Variants in NHS observed in about 807,000 individuals in gnomAD.
NHS encodes actin remodeling regulator NHS.
Under a neutral mutation model 72.5 loss-of-function variants are expected in NHS, and 5 were observed. The observed-to-expected ratio is 0.07, with a 90% CI of 0.04 to 0.14. The LOEUF (loss-of-function observed/expected upper bound fraction) is 0.14. NHS is among the 10% of genes least tolerant of loss of function. NHS has a pLI of 1.00. For synonymous variants in NHS, 464 were observed against 547.7 expected, an observed-to-expected ratio of 0.85 and a Z score of 2.13; for missense variants, 1,072 against 1,355.7, an observed-to-expected ratio of 0.79 and a Z score of 3.29.
At chrX:17,543,792 C>T (rs2065276528) in intron 1 of NHS, among the ~76,000 whole-genome samples, 1 of 111,830 alleles carries the variant, frequency 8.9e-6, no homozygotes, top group South Asian at 3.7e-4. Flanking sequence ...CGGGATTTTG[C>T]TCCCTTTTCC....
chrX:17,518,033 GA>G (rs919761518), intron 1 of NHS, among the ~76,000 whole-genome samples: 1 of 111,787 alleles, frequency 8.9e-6, no homozygotes, highest in African/African-American at 3.3e-5. Flanking sequence ...TACAACAGCA[GA>G]TGTTTTTTTC....
intron 3 of NHS, among the ~76,000 whole-genome samples, chrX:17,709,687 ATTGGAGCAGC>A (rs1393068568): frequency 9.0e-6 from 1 of 111,624 alleles, no homozygotes; most frequent in Non-Finnish European, 1.9e-5. Context: ...GGTTGGAGTT[ATTGGAGCAGC>A]CTGCGGTACT....
chrX:17,420,460 A>G (rs1403129543), intron 1 of NHS, among the ~76,000 whole-genome samples: 4 of 110,957 alleles, frequency 3.6e-5, no homozygotes, highest in Non-Finnish European at 7.6e-5. Flanking sequence ...TGAACTATCC[A>G]TGTACCCATC....
At chrX:17,440,401 A>C (rs2064746396) in intron 1 of NHS, among the ~76,000 whole-genome samples, 1 of 111,291 alleles carries the variant, frequency 9.0e-6, no homozygotes, top group Admixed American at 9.5e-5. Flanking sequence ...CACTGGGTTG[A>C]AGGCCATGTA....
chrX:17,669,009 C>G (rs1369492311), intron 1 of NHS, among the ~76,000 whole-genome samples: 1 of 112,010 alleles, frequency 8.9e-6, no homozygotes, highest in Non-Finnish European at 1.9e-5. Flanking sequence ...TGAGAAGCAG[C>G]CTTCTGACTG....
chrX:17,566,045 C>T (rs1427425967), intron 1 of NHS, among the ~76,000 whole-genome samples: 1 of 106,303 alleles, frequency 9.4e-6, no homozygotes, highest in East Asian at 3.0e-4. Flanking sequence ...GTGGTGTGAT[C>T]ACGGCTCACT....
intron 1 of NHS, among the ~76,000 whole-genome samples, chrX:17,601,646 G>C (rs761745473): frequency 7.2e-5 from 8 of 111,841 alleles, no homozygotes; most frequent in Non-Finnish European, 1.5e-4. Flanking sequence ...AGGAAATCTT[G>C]TGTGGAAATT....
chrX:17,620,716 G>A (rs953306813), intron 1 of NHS, among the ~76,000 whole-genome samples: 1 of 111,837 alleles, frequency 8.9e-6, no homozygotes. Context: ...AAGCCTGAAT[G>A]ACCAAAAGTA....
chrX:17,641,157 TAAG>T (rs1005364331), intron 1 of NHS, among the ~76,000 whole-genome samples: 2 of 111,809 alleles, frequency 1.8e-5, no homozygotes, highest in Admixed American at 9.5e-5. Flanking sequence ...ACATCATGGG[TAAG>T]AAGAGGAGAT....
intron 1 of NHS, among the ~76,000 whole-genome samples, chrX:17,499,229 G>A (rs2065026743): frequency 9.0e-6 from 1 of 110,858 alleles, no homozygotes; most frequent in Admixed American, 9.5e-5. Context: ...ATCTCCTGGA[G>A]AGTTGGCACT....
At chrX:17,670,159 T>C (rs748996957) in intron 1 of NHS, among the ~76,000 whole-genome samples, 2 of 112,557 alleles carry the variant, frequency 1.8e-5, no homozygotes, top group Non-Finnish European at 3.8e-5. Flanking sequence ...TGGGCATCTC[T>C]GTGTGCCACT....
chrX:17,692,382 C>A lies in NHS; in HGVS notation c.766C>A (p.Leu256Ile). 2 of 1,210,985 alleles carry A rather than the reference C, an allele frequency of 1.7e-6. No individual in the cohort carries two copies. Among genetic ancestry groups the A allele is most frequent in the African/African-American group, 3.5e-5 (2 of 57,609 alleles). ...CCGAGAGCAAAGAGCAGCTGCCCCCCTTTCCATTGCAGCTCCTCCACTGCC... is the reference window on the plus strand; with the variant it reads ...CCGAGAGCAAAGAGCAGCTGCCCCCATTTCCATTGCAGCTCCTCCACTGCC... Reference protein sequence around the residue: ...DRREQRAAAPLSIAAPPLPAY... With the variant: ...DRREQRAAAPISIAAPPLPAY... Residue 256 changes from leucine to isoleucine, a missense_variant, in exon 3 of 9, where the codon CTT becomes ATT. By Grantham distance (5) the Leu-to-Ile change is conservative. Coordinates refer to ENST00000676302, the MANE Select transcript of NHS (RefSeq NM_001291867.2).
In NHS at chrX:17,518,346, A is replaced by G. The variant is rs141116431; in HGVS notation, c.565+142024A>G. Among the ~76,000 whole-genome samples the G allele has an allele frequency of 1.6e-3, 175 of 112,089 alleles. 1 individual carries two copies. In the East Asian group the frequency reaches 0.03, roughly 19 times the overall value. On this transcript the variant is annotated intron_variant, in intron 1 of 8. Transcript: ENST00000676302. Reference sequence around the variant, plus strand: ...CAAGGATAAGGATGAAAACAGTAATACAATCTACTACGGTAGCAAAAGATG... The same window carrying G: ...CAAGGATAAGGATGAAAACAGTAATGCAATCTACTACGGTAGCAAAAGATG...
chrX:17,457,474 G>A (rs1403575659), intron 1 of NHS, among the ~76,000 whole-genome samples: 2 of 110,946 alleles, frequency 1.8e-5, no homozygotes, highest in African/African-American at 6.6e-5. Context: ...GTTCCTATGG[G>A]AACTAATAGA....
chrX:17,724,327 A>G lies in NHS; in HGVS notation c.1137A>G (p.Ile379Met). 8.3e-7 allele frequency: 1 copy of G among 1,211,816 alleles called. No homozygotes were observed. The highest frequency in any genetic ancestry group is 1.1e-6 in the Non-Finnish European group (1 of 895,494). Residue 379 changes from isoleucine (I) to methionine (M), a missense_variant, in exon 6 of 9, where the codon ATA (isoleucine) becomes ATG (methionine). Coordinates refer to ENST00000676302, the MANE Select transcript of NHS (RefSeq NM_001291867.2). The part of the protein sequence containing the change: ...TGVGFDREAS[I>M]RCSLVHSQSV... ...TTGGCTTTGACAGAGAGGCTAGTATACGCTGCTCTCTGGTTCATTCACAAT... is the reference window on the plus strand; with the variant it reads ...TTGGCTTTGACAGAGAGGCTAGTATGCGCTGCTCTCTGGTTCATTCACAAT...
chrX:17,449,937 C>A (rs1052887751), intron 1 of NHS, among the ~76,000 whole-genome samples: 1 of 111,923 alleles, frequency 8.9e-6, no homozygotes, highest in South Asian at 3.8e-4. Flanking sequence ...GTTGCTGCTG[C>A]CACCTCTCCC....
At chrX:17,410,045 GA>G (rs1162437888) in intron 1 of NHS, among the ~76,000 whole-genome samples, 1 of 111,485 alleles carries the variant, frequency 9.0e-6, no homozygotes, top group African/African-American at 3.3e-5. Flanking sequence ...TTCAGAGAAT[GA>G]AACCCTTTTT....
intron 1 of NHS, among the ~76,000 whole-genome samples, chrX:17,523,567 C>G (rs1272924047): frequency 2.7e-5 from 3 of 111,898 alleles, no homozygotes; most frequent in African/African-American, 9.7e-5. Flanking sequence ...AGAGGCAGAG[C>G]CAGTAGTGGG....
rs2064735479 is a variant in NHS at position 17,438,515 on chromosome X, C to T, written c.565+62193C>T. The stretch of plus-strand genomic sequence containing the variant: ...AGACCTTGCTGTTCCCAGAGTGGTT[C>T]TCGGCCCAGCATTATTGGGCCACCA... On this transcript the variant is annotated intron_variant, in intron 1 of 8. Transcript: ENST00000676302. Among the ~76,000 whole-genome samples the T allele has an allele frequency of 2.7e-5, 3 of 111,489 alleles. No homozygotes were observed. In the South Asian group the frequency reaches 1.2e-3, roughly 43 times the overall value.
Sources: allele counts gnomAD v4.1 joint callset (sites outside exome capture counted in the v4.1 genomes callset), GRCh38; gene constraint gnomAD v4.1.1; transcripts MANE v1.5; gene names NCBI Gene and HGNC (gene_info 2026-07-23, HGNC 2026-07-21).